NEK10: variants seen among roughly 807,000 people sequenced by gnomAD.
The protein encoded by NEK10 is serine/threonine-protein kinase Nek10.
NEK10 carries 122 observed loss-of-function variants against 159.8 expected under a neutral mutation model. The ratio of observed to expected loss-of-function variants is 0.76; its 90% CI spans 0.66 to 0.89. The LOEUF (loss-of-function observed/expected upper bound fraction) is 0.89. Among genes scored for constraint, NEK10 ranks in the 40% least tolerant of loss-of-function variants. NEK10 has a pLI of 0.00. For missense variants in NEK10, 1,342 were observed against 1,323.1 expected (o/e 1.01, Z -0.22); for synonymous variants, 466 against 457.1 (o/e 1.02, Z -0.25).
At chr3:27,151,775 G>T (rs898596553) in intron 30 of NEK10, among the ~76,000 whole-genome samples, 6 of 152,146 alleles carry the variant, frequency 3.9e-5, no homozygotes, top group Non-Finnish European at 5.9e-5. Context: ...GAAGTGAAGG[G>T]AGAAATATTC....
intron 23 of NEK10, among the ~76,000 whole-genome samples, chr3:27,238,237 C>T (rs959870320): frequency 2.6e-5 from 4 of 152,176 alleles, no homozygotes; most frequent in East Asian, 1.9e-4. Flanking sequence ...TATTGGGATT[C>T]GATCCAGATA....
At chr3:27,225,263 G>A (rs1319776176) in intron 23 of NEK10, among the ~76,000 whole-genome samples, 1 of 152,148 alleles carries the variant, frequency 6.6e-6, no homozygotes, top group Non-Finnish European at 1.5e-5. Context: ...ATTAGATGGT[G>A]CCCACCAAGA....
In NEK10 at chr3:27,353,942, A is replaced by C. The variant is rs185571823; in HGVS notation, c.-37-1023T>G. ...GGGAGAAGGGAGAGAAGGGGAGGTA[A>C]AAAGAATGGAGGATCTGCAAGGTAG... On this transcript the variant is annotated intron_variant, in intron 1 of 35. Transcript: ENST00000691995. Among the ~76,000 whole-genome samples, 253 of 152,302 alleles carry C rather than the reference A, an allele frequency of 1.7e-3. 1 individual carries two copies. Among genetic ancestry groups the C allele is most frequent in the African/African-American group, 5.7e-3 (237 of 41,556 alleles).
Position 27,290,807 on chromosome 3 carries a change from AAGAG to A in NEK10, c.1606-57_1606-54del, listed in dbSNP as rs2042946069. 4 of 1,391,848 alleles carry A rather than the reference AAGAG, an allele frequency of 2.9e-6. No homozygotes were observed. The South Asian group carries it at 3.9e-5, about 14-fold the overall frequency. The allele number at this position is 1,391,848 out of a possible 1,614,324, so 86.2% of individuals were successfully genotyped here. ...CAAAAGGAACAGGGTAAAGAAGGAGAAGAGAGAAAGAGGAAGAAAGAGATAGACT... is the reference window on the plus strand; with the variant it reads ...CAAAAGGAACAGGGTAAAGAAGGAGAAGAAAGAGGAAGAAAGAGATAGACT... On this transcript the variant is annotated intron_variant, in intron 18 of 35. Transcript: ENST00000691995.
rs553336183 is a variant in NEK10 at position 27,110,582 on chromosome 3, A to C, written c.*690T>G. ...TAAACATATACACACACTGTACAGC[A>C]ATATATTCTATTAGTCTAAGTTAAA... On this transcript the variant is annotated 3_prime_UTR_variant, in exon 36 of 36. Transcript: ENST00000691995. 2.6e-5 allele frequency: 4 copies of C among 152,254 alleles called. No homozygotes were observed. The East Asian group carries it at 5.8e-4, about 22-fold the overall frequency. The allele number at this position is 152,254 out of a possible 1,614,324, so 9.4% of individuals were successfully genotyped here.
chr3:27,216,170 G>T (rs1951508237), intron 23 of NEK10, among the ~76,000 whole-genome samples: 1 of 152,140 alleles, frequency 6.6e-6, no homozygotes, highest in Non-Finnish European at 1.5e-5. Context: ...CTTTGTGAAT[G>T]GGGTCATTGA....
chr3:27,225,314 G>A (rs940863492), intron 23 of NEK10, among the ~76,000 whole-genome samples: 1 of 152,174 alleles, frequency 6.6e-6, no homozygotes, highest in South Asian at 2.1e-4. Flanking sequence ...TGACTCAAAT[G>A]TTAATCTCCT....
intron 23 of NEK10, among the ~76,000 whole-genome samples, chr3:27,226,599 GA>G (rs1413432471): frequency 2.0e-5 from 3 of 152,260 alleles, no homozygotes; most frequent in African/African-American, 7.2e-5. Context: ...TGACTCCAAA[GA>G]GTAATTACAA....
intron 26 of NEK10, among the ~76,000 whole-genome samples, chr3:27,177,055 G>C (rs1947569759): frequency 6.6e-6 from 1 of 152,098 alleles, no homozygotes; most frequent in Non-Finnish European, 1.5e-5. Context: ...AAGGACGCTG[G>C]ACTTGCAATC....
intron 23 of NEK10, among the ~76,000 whole-genome samples, chr3:27,204,315 T>TTTTTTTTTTTGTTTTGTTTTG (rs1559606319): frequency 8.8e-6 from 1 of 113,186 alleles, no homozygotes; most frequent in Non-Finnish European, 1.9e-5. Flanking sequence ...TTTTTTTTTT[T>TTTTTTTTTTTGTTTTGTTTTG]TTTTTTATTA....
chr3:27,249,046 G>C (rs1420315752), intron 23 of NEK10, among the ~76,000 whole-genome samples: 1 of 152,174 alleles, frequency 6.6e-6, no homozygotes, highest in Admixed American at 6.5e-5. Context: ...CATGTCAAGG[G>C]AGAGACCAGG....
intron 5 of NEK10, among the ~76,000 whole-genome samples, chr3:27,331,264 C>CAT (rs2046399124): frequency 1.5e-5 from 1 of 67,626 alleles, no homozygotes; most frequent in South Asian, 4.5e-4. Context: ...AAAAAAAAAA[C>CAT]ACACAAACCT....
rs568914780 is a variant in NEK10 at position 27,274,275 on chromosome 3, CAG to C, written c.2014+10325_2014+10326del. Among the ~76,000 whole-genome samples the C allele has an allele frequency of 4.4e-3, 674 of 152,246 alleles. 2 individuals are homozygous for C. Among genetic ancestry groups the C allele is most frequent in the African/African-American group, 0.015 (620 of 41,556 alleles). On this transcript the variant is annotated intron_variant, in intron 22 of 35. Coordinates refer to ENST00000691995, the MANE Select transcript of NEK10 (RefSeq NM_001394966.1). ...TTTTATTGATGGAGTTATGATGACACAGAGCTTCATGATGAAAAATTCAACAC... is the reference window on the plus strand; with the variant it reads ...TTTTATTGATGGAGTTATGATGACACAGCTTCATGATGAAAAATTCAACAC...
intron 22 of NEK10, among the ~76,000 whole-genome samples, chr3:27,262,452 G>A (rs578105714): frequency 2.6e-5 from 4 of 152,252 alleles, no homozygotes; most frequent in East Asian, 1.9e-4. Context: ...CATTCTCCCC[G>A]TCACTTTCAG....
chr3:27,145,206 A>G (rs1478539895), intron 30 of NEK10, among the ~76,000 whole-genome samples: 1 of 151,670 alleles, frequency 6.6e-6, no homozygotes, highest in Non-Finnish European at 1.5e-5. Flanking sequence ...ACAATTTTTT[A>G]TTAAAGAGAC....
intron 22 of NEK10, among the ~76,000 whole-genome samples, chr3:27,284,139 A>T (rs2042401612): frequency 6.6e-6 from 1 of 152,162 alleles, no homozygotes; most frequent in Admixed American, 6.5e-5. Flanking sequence ...CAATCCCAGC[A>T]CTTTGGGAGG....
At chr3:27,257,116 A>T (rs577617169) in intron 22 of NEK10, among the ~76,000 whole-genome samples, 3 of 152,012 alleles carry the variant, frequency 2.0e-5, no homozygotes, top group Admixed American at 6.5e-5. Flanking sequence ...TGGTTTTACC[A>T]CGTTGGCCAG....
At chr3:27,358,766 T>G (rs113644209) in intron 1 of NEK10, among the ~76,000 whole-genome samples, 1 of 152,222 alleles carries the variant, frequency 6.6e-6, no homozygotes, top group Non-Finnish European at 1.5e-5. Context: ...TTACTAAATA[T>G]AAAACAGAGT....
intron 30 of NEK10, among the ~76,000 whole-genome samples, chr3:27,157,481 C>T (rs777831481): frequency 1.3e-5 from 2 of 152,074 alleles, no homozygotes; most frequent in Non-Finnish European, 1.5e-5. Flanking sequence ...TAGAAGTAGA[C>T]TGAAGATGTG....
Sources: allele counts gnomAD v4.1 joint callset (sites outside exome capture counted in the v4.1 genomes callset), GRCh38; gene constraint gnomAD v4.1.1; transcripts MANE v1.5; gene names NCBI Gene and HGNC (gene_info 2026-07-23, HGNC 2026-07-21).